Variants in CLMP observed in about 807,000 individuals in gnomAD.
The protein encoded by CLMP is CXADR like cell adhesion molecule, also known as CXADR-like membrane protein.
CLMP carries 27 observed loss-of-function variants against 45.2 expected under a neutral mutation model. That is an observed-to-expected ratio of 0.60 (90% CI 0.44 to 0.82). The LOEUF (loss-of-function observed/expected upper bound fraction) is 0.82, where lower values mean the gene tolerates loss of function less well. Among genes scored for constraint, CLMP ranks in the 40% least tolerant of loss-of-function variants. The probability of loss-of-function intolerance (pLI) is 0.00; values close to 1 mark genes in which losing one functional copy is unlikely to be tolerated. For synonymous variants in CLMP, 167 were observed against 171.4 expected, an observed-to-expected ratio of 0.97 and a Z score of 0.20; for missense variants, 403 against 448.4, an observed-to-expected ratio of 0.90 and a Z score of 0.91.
At chr11:123,126,572 T>C (rs546077013) in intron 1 of CLMP, among the ~76,000 whole-genome samples, 75 of 152,140 alleles carry the variant, frequency 4.9e-4, no homozygotes, top group African/African-American at 1.2e-3. Context: ...GCCTTTCTAC[T>C]CTTGAGCTAA....
At chr11:123,090,224 T>C (rs1865914575) in intron 2 of CLMP, among the ~76,000 whole-genome samples, 2 of 148,618 alleles carry the variant, frequency 1.3e-5, no homozygotes. Context: ...GGTGGGTGGA[T>C]CACGAGGTCA....
chr11:123,126,876 G>A (rs1212759468), intron 1 of CLMP, among the ~76,000 whole-genome samples: 4 of 151,326 alleles, frequency 2.6e-5, no homozygotes, highest in East Asian at 1.9e-4. Flanking sequence ...CAGCCTGGGC[G>A]AGAGTGCGAG....
At chr11:123,081,967 A>G (rs558589434) in intron 5 of CLMP, among the ~76,000 whole-genome samples, 1 of 152,316 alleles carries the variant, frequency 6.6e-6, no homozygotes, top group South Asian at 2.1e-4. Flanking sequence ...AGTTAGTGGT[A>G]GCTGTGATTG....
At chr11:123,083,347 A>G (rs568060253) in intron 4 of CLMP, 140 bp from the exon 5 acceptor site, 2 of 914,960 alleles carry the variant, frequency 2.2e-6, no homozygotes, top group East Asian at 5.1e-5. Context: ...TCCTTTGGGA[A>G]CATGAGAAGA....
At chr11:123,172,667 G>C (rs944582259) in intron 1 of CLMP, among the ~76,000 whole-genome samples, 1 of 151,832 alleles carries the variant, frequency 6.6e-6, no homozygotes, top group Admixed American at 6.6e-5. Flanking sequence ...TAATTATTTT[G>C]TAGAGACAGG....
intron 1 of CLMP, among the ~76,000 whole-genome samples, chr11:123,192,572 A>AC (rs1861921988): frequency 6.6e-6 from 1 of 152,142 alleles, no homozygotes; most frequent in African/African-American, 2.4e-5. Flanking sequence ...CCGGAACGTT[A>AC]CGGGAGTGAG....
chr11:123,164,871 A>G (rs1338436043), intron 1 of CLMP, among the ~76,000 whole-genome samples: 1 of 152,158 alleles, frequency 6.6e-6, no homozygotes, highest in Non-Finnish European at 1.5e-5. Flanking sequence ...ATACACTCCT[A>G]AAGTTAGGAA....
intron 5 of CLMP, among the ~76,000 whole-genome samples, chr11:123,075,976 C>T (rs1257507417): frequency 1.3e-5 from 2 of 151,974 alleles, no homozygotes; most frequent in East Asian, 1.9e-4. Flanking sequence ...AGTTCGAGAC[C>T]GGCCTGGCCA....
At chr11:123,137,641 G>A (rs12283343) in intron 1 of CLMP, among the ~76,000 whole-genome samples, 1 of 151,800 alleles carries the variant, frequency 6.6e-6, no homozygotes, top group Non-Finnish European at 1.5e-5. Flanking sequence ...GTCGCCTGGG[G>A]CTGCCCTGAT....
intron 1 of CLMP, among the ~76,000 whole-genome samples, chr11:123,120,933 TTGGTAACA>T (rs1860807461): frequency 6.6e-6 from 1 of 152,008 alleles, no homozygotes; most frequent in Admixed American, 6.6e-5. Context: ...GAGACCATCC[TTGGTAACA>T]TGGTGAAACC....
intron 1 of CLMP, among the ~76,000 whole-genome samples, chr11:123,128,643 T>C (rs777895999): frequency 5.3e-5 from 8 of 152,014 alleles, no homozygotes; most frequent in Non-Finnish European, 1.0e-4. Context: ...CTGAGCAACA[T>C]GGTGAGACCA....
At chr11:123,152,934 G>A (rs908816725) in intron 1 of CLMP, among the ~76,000 whole-genome samples, 2 of 152,166 alleles carry the variant, frequency 1.3e-5, no homozygotes, top group Non-Finnish European at 2.9e-5. Context: ...GTAATATCTG[G>A]AGGGAGAGAA....
At chr11:123,089,935 T>C (rs1176883735) in intron 2 of CLMP, among the ~76,000 whole-genome samples, 1 of 148,444 alleles carries the variant, frequency 6.7e-6, no homozygotes, top group Non-Finnish European at 1.5e-5. Flanking sequence ...CCCATCTTTA[T>C]TGAAAATACA....
In CLMP at chr11:123,070,150, C is replaced by T. The variant is rs1865655520; in HGVS notation, c.*3324G>A. The T allele has an allele frequency of 6.6e-6, 1 of 152,216 alleles. No individual in the cohort carries two copies. Among genetic ancestry groups the T allele is most frequent in the South Asian group, 2.1e-4 (1 of 4,838 alleles). The allele number at this position is 152,216 out of a possible 1,614,324, so 9.4% of individuals were successfully genotyped here. A position where few individuals can be genotyped will look rare whatever the true frequency, so the allele number is the denominator to read the frequency against. ...TTTATATATTTTATTGACATGGTTACTCAATGTCCACATCATTCCATCTGC... is the reference window on the plus strand; with the variant it reads ...TTTATATATTTTATTGACATGGTTATTCAATGTCCACATCATTCCATCTGC... On this transcript the variant is annotated 3_prime_UTR_variant, in exon 7 of 7. Coordinates refer to ENST00000448775, the MANE Select transcript of CLMP (RefSeq NM_024769.5).
At chr11:123,128,066 G>C (rs1565390868) in intron 1 of CLMP, among the ~76,000 whole-genome samples, 1 of 147,024 alleles carries the variant, frequency 6.8e-6, no homozygotes, top group Non-Finnish European at 1.5e-5. Flanking sequence ...TAATACATCA[G>C]ACCAAGTAGG....
rs542013577 is a variant in CLMP, at chr11:123,075,074, A to G, written c.680-231T>C. ...GGGTTCAAGTGATTCTCCTGCCTCA[A>G]CCTCTTGAGTAGCTGGGATCACAGG... On this transcript the variant is annotated intron_variant, in intron 5 of 6. Coordinates refer to ENST00000448775, the MANE Select transcript of CLMP (RefSeq NM_024769.5). Among the ~76,000 whole-genome samples the G allele has an allele frequency of 1.3e-3, 193 of 150,166 alleles. 2 individuals carry two copies. Among genetic ancestry groups the G allele is most frequent in the Non-Finnish European group, 1.9e-4 (13 of 67,416 alleles).
rs1298264063 is a variant in CLMP at position 123,141,201 on chromosome 11, T to C, written c.29-43249A>G. Among the ~76,000 whole-genome samples, 4 of 105,376 alleles carry C rather than the reference T, an allele frequency of 3.8e-5. No individual in the cohort carries two copies. In the East Asian group the frequency reaches 1.2e-3, roughly 33 times the overall value. The allele number at this position is 105,376 out of a possible 152,430, so 69.1% of individuals were successfully genotyped here. A position where few individuals can be genotyped will look rare whatever the true frequency, so the allele number is the denominator to read the frequency against. On this transcript the variant is annotated intron_variant, in intron 1 of 6. Coordinates refer to ENST00000448775, the MANE Select transcript of CLMP (RefSeq NM_024769.5). ...TTTTTTTTTTTTTTTTTTTTTTTTTTTGAGACGAAGTCTCACTTTGTCGCC... is the reference window on the plus strand; with the variant it reads ...TTTTTTTTTTTTTTTTTTTTTTTTTCTGAGACGAAGTCTCACTTTGTCGCC...
At chr11:123,096,326 C>T (rs1865988851) in intron 2 of CLMP, among the ~76,000 whole-genome samples, 1 of 152,056 alleles carries the variant, frequency 6.6e-6, no homozygotes, top group South Asian at 2.1e-4. Flanking sequence ...AGCACTCCAG[C>T]CTGGGCGACA....
At chr11:123,160,007 G>C (rs546473459) in intron 1 of CLMP, among the ~76,000 whole-genome samples, 1 of 152,020 alleles carries the variant, frequency 6.6e-6, no homozygotes, top group African/African-American at 2.4e-5. Flanking sequence ...GGCTGGGTGC[G>C]GTGGCCCACG....
Sources: allele counts gnomAD v4.1 joint callset (sites outside exome capture counted in the v4.1 genomes callset), GRCh38; gene constraint gnomAD v4.1.1; transcripts MANE v1.5; gene names NCBI Gene and HGNC (gene_info 2026-07-23, HGNC 2026-07-21).